The following FAM76A variants were observed in gnomAD, a reference collection of about 807,000 sequenced individuals.
FAM76A encodes family with sequence similarity 76 member A.
FAM76A carries 32 observed loss-of-function variants against 46.2 expected under a neutral mutation model. The observed-to-expected ratio is 0.69, with a 90% CI of 0.52 to 0.93. FAM76A has a LOEUF of 0.93. FAM76A is among the 40% of genes least tolerant of loss of function. The pLI, the probability that FAM76A is intolerant of heterozygous loss-of-function variation, is 0.00. For synonymous variants in FAM76A, 137 were observed against 127.0 expected (o/e 1.08, Z -0.53); for missense variants, 274 against 361.5 (o/e 0.76, Z 1.96).
Position 27,744,745 on chromosome 1 carries a change from C to G in FAM76A, c.446C>G (p.Ser149Cys), listed in dbSNP as rs754748633. 2 of 1,614,160 alleles carry G rather than the reference C, an allele frequency of 1.2e-6. No individual in the cohort carries two copies. The highest frequency in any genetic ancestry group is 3.3e-5 in the Admixed American group (2 of 60,004). Residue 149 changes from serine to cysteine, a missense_variant, in exon 5 of 9, where the codon TCT (serine) becomes TGT (cysteine). By Grantham distance (112) the Ser-to-Cys change is moderately radical. Transcript: ENST00000373954. ...TKEQRKHLSSSSRAGHQEKEQ... is the reference protein window; with the variant it reads ...TKEQRKHLSSCSRAGHQEKEQ... ...GAGCAGAGGAAACACCTGAGTAGCTCTTCTCGTGCTGGCCACCAGGAGAAG... is the reference window on the plus strand; with the variant it reads ...GAGCAGAGGAAACACCTGAGTAGCTGTTCTCGTGCTGGCCACCAGGAGAAG...
Position 27,740,249 on chromosome 1 carries a change from G to A in FAM76A, c.355-4405G>A, listed in dbSNP as rs553277055. On this transcript the variant is annotated intron_variant, in intron 4 of 8. Transcript: ENST00000373954. Reference sequence around the variant, plus strand: ...ATCTTGAGGCTACTAAGTACTCAGAGGCTTTGATTGAAGACATTTGGGAGA... The same window carrying A: ...ATCTTGAGGCTACTAAGTACTCAGAAGCTTTGATTGAAGACATTTGGGAGA... 5.5e-5 allele frequency: 39 copies of A among 703,262 alleles called. 1 individual carries two copies. The highest frequency in any genetic ancestry group is 5.5e-4 in the South Asian group (38 of 68,820). The allele number at this position is 703,262 out of a possible 1,614,324, so 43.6% of individuals were successfully genotyped here. A position where few individuals can be genotyped will look rare whatever the true frequency, so the allele number is the denominator to read the frequency against.
chr1:27,726,566 C>T (rs914552254), intron 1 of FAM76A, among the ~76,000 whole-genome samples: 6 of 151,656 alleles, frequency 4.0e-5, no homozygotes, highest in Non-Finnish European at 5.9e-5. Context: ...AGGAATGTGT[C>T]GAACTCGGGC....
rs1017202907 is a variant in FAM76A at position 27,761,455 on chromosome 1, C to T, written c.*874C>T. 4 of 152,494 alleles carry T rather than the reference C, an allele frequency of 2.6e-5. No individual in the cohort carries two copies. Among genetic ancestry groups the T allele is most frequent in the African/African-American group, 7.2e-5 (3 of 41,394 alleles). The allele number at this position is 152,494 out of a possible 1,614,324, so 9.4% of individuals were successfully genotyped here. ...TAAGGGAGGTAGCAAAGATTTGAAC[C>T]GTCTGTCTTTTTAAGTAAGGGCAGA... On this transcript the variant is annotated 3_prime_UTR_variant, in exon 9 of 9. Transcript: ENST00000373954.
intron 4 of FAM76A, among the ~76,000 whole-genome samples, chr1:27,738,082 A>G (rs2088086346): frequency 6.6e-6 from 1 of 151,638 alleles, no homozygotes; most frequent in African/African-American, 2.4e-5. Flanking sequence ...TCTTCAAGCC[A>G]GGCCTGATGG....
chr1:27,732,677 A>G lies in FAM76A; in HGVS notation c.201+20A>G. On this transcript the variant is annotated intron_variant, in intron 3 of 8. Transcript: ENST00000373954. The stretch of plus-strand genomic sequence containing the variant: ...GGAACGGTAAGTAGGATATTTTCAA[A>G]CCTAACAGTGAGTACTAGGGTCTTG... 6.2e-7 allele frequency: 1 copy of G among 1,600,572 alleles called. No homozygotes were observed. The highest frequency in any genetic ancestry group is 8.6e-7 in the Non-Finnish European group (1 of 1,169,450).
chr1:27,748,856 G>T (rs184200626), intron 5 of FAM76A, among the ~76,000 whole-genome samples: 146 of 152,164 alleles, frequency 9.6e-4, no homozygotes, highest in African/African-American at 3.4e-3. Context: ...TTAAGGCCAA[G>T]AATTTTTTTT....
chr1:27,757,696 G>A (rs986741607), intron 7 of FAM76A, among the ~76,000 whole-genome samples: 2 of 152,078 alleles, frequency 1.3e-5, no homozygotes, highest in Non-Finnish European at 2.9e-5. Flanking sequence ...AGCCTTTGAG[G>A]CCGGGCTTGG....
chr1:27,742,790 G>T (rs1216620697), intron 4 of FAM76A, among the ~76,000 whole-genome samples: 1 of 152,222 alleles, frequency 6.6e-6, no homozygotes, highest in Non-Finnish European at 1.5e-5. Context: ...GCGAGGTGCA[G>T]TGGCTCACGC....
At chr1:27,750,784 C>G (rs1429422815) in intron 6 of FAM76A, among the ~76,000 whole-genome samples, 1 of 152,218 alleles carries the variant, frequency 6.6e-6, no homozygotes, top group Non-Finnish European at 1.5e-5. Flanking sequence ...TTATTGCATC[C>G]AGTCATCAGC....
rs2148591509 is a variant in FAM76A at position 27,762,723 on chromosome 1, T to G, written c.*2142T>G. Reference sequence around the variant, plus strand: ...TAATATTTTTCAGATGCATTTGCATTGACTATGGGAGAAAAATTAGGGGGA... The same window carrying G: ...TAATATTTTTCAGATGCATTTGCATGGACTATGGGAGAAAAATTAGGGGGA... On this transcript the variant is annotated 3_prime_UTR_variant, in exon 9 of 9. Coordinates refer to ENST00000373954, the MANE Select transcript of FAM76A (RefSeq NM_152660.3). 6.6e-6 allele frequency: 1 copy of G among 152,276 alleles called. No individual in the cohort carries two copies. Among genetic ancestry groups the G allele is most frequent in the Non-Finnish European group, 1.5e-5 (1 of 68,024 alleles). The allele number at this position is 152,276 out of a possible 1,614,324, so 9.4% of individuals were successfully genotyped here. A position where few individuals can be genotyped will look rare whatever the true frequency, so the allele number is the denominator to read the frequency against.
At chr1:27,758,726 C>G (rs536051763) in intron 7 of FAM76A, among the ~76,000 whole-genome samples, 2 of 149,150 alleles carry the variant, frequency 1.3e-5, no homozygotes, top group African/African-American at 4.9e-5. Context: ...ACCATGTTGC[C>G]CATGTTGGTC....
chr1:27,728,316 C>G (rs139200934), intron 2 of FAM76A, among the ~76,000 whole-genome samples: 1 of 152,280 alleles, frequency 6.6e-6, no homozygotes, highest in Non-Finnish European at 1.5e-5. Flanking sequence ...GCTCTAGTCA[C>G]ATTTGAAACT....
At chr1:27,749,029 G>C (rs1260142115) in intron 5 of FAM76A, 39 bp from the exon 6 acceptor site, 2 of 1,357,162 alleles carry the variant, frequency 1.5e-6, no homozygotes, top group African/African-American at 2.9e-5. Flanking sequence ...GTTAATCTTT[G>C]ATTTCTAATG....
At chr1:27,741,272 C>T (rs2088148526) in intron 4 of FAM76A, among the ~76,000 whole-genome samples, 1 of 144,532 alleles carries the variant, frequency 6.9e-6, no homozygotes, top group East Asian at 2.1e-4. Flanking sequence ...AATCTAGACT[C>T]ACTACAGCCG....
At chr1:27,756,446 ATG>A (rs2088410700) in intron 7 of FAM76A, among the ~76,000 whole-genome samples, 1 of 151,820 alleles carries the variant, frequency 6.6e-6, no homozygotes, top group African/African-American at 2.4e-5. Flanking sequence ...GCCTGCCACC[ATG>A]CCTGGCTAAT....
At chr1:27,746,189 A>G (rs975875425) in intron 5 of FAM76A, among the ~76,000 whole-genome samples, 1 of 152,174 alleles carries the variant, frequency 6.6e-6, no homozygotes, top group Non-Finnish European at 1.5e-5. Flanking sequence ...GATGTTTTGG[A>G]TGGAGAATTA....
In FAM76A at chr1:27,739,942, G is replaced by C. The variant is rs142278641; in HGVS notation, c.355-4712G>C. 37 of 233,564 alleles carry C rather than the reference G, an allele frequency of 1.6e-4. No individual in the cohort carries two copies. In the East Asian group the frequency reaches 3.7e-3, roughly 23 times the overall value. The allele number at this position is 233,564 out of a possible 1,614,324, so 14.5% of individuals were successfully genotyped here. On this transcript the variant is annotated intron_variant, in intron 4 of 8. Coordinates refer to ENST00000373954, the MANE Select transcript of FAM76A (RefSeq NM_152660.3). ...GGACTCATAGGGTAACTTACCCTTG[G>C]GAGCCAGTGCTATGGCTTTAGGCTG... is the stretch of plus-strand genomic sequence containing the variant.
intron 2 of FAM76A, 56 bp downstream of exon 2, chr1:27,727,592 G>A: frequency 1.5e-6 from 2 of 1,299,718 alleles, no homozygotes; most frequent in Admixed American, 1.8e-5. Context: ...CTTAAAATCT[G>A]TAATTGATTG....
intron 6 of FAM76A, among the ~76,000 whole-genome samples, chr1:27,750,043 T>G: frequency 6.6e-6 from 1 of 152,124 alleles, no homozygotes; most frequent in Admixed American, 6.6e-5. Flanking sequence ...GGACCAACCA[T>G]TTTTCTGTTC....
Sources: allele counts gnomAD v4.1 joint callset (sites outside exome capture counted in the v4.1 genomes callset), GRCh38; gene constraint gnomAD v4.1.1; transcripts MANE v1.5; gene names NCBI Gene and HGNC (gene_info 2026-07-23, HGNC 2026-07-21).